The following PSD3 variants were observed in gnomAD, a reference collection of about 807,000 sequenced individuals.
The protein encoded by PSD3 is pleckstrin and Sec7 domain containing 3, also known as PH and SEC7 domain-containing protein 3.
Under a neutral mutation model 105.5 loss-of-function variants are expected in PSD3, and 49 were observed. The observed-to-expected ratio is 0.46, with a 90% CI of 0.37 to 0.59. The LOEUF is 0.59. Ranked by LOEUF, PSD3 falls within the 20% of genes least tolerant of loss-of-function variation. The pLI is 0.00. For missense variants in PSD3, 1,561 were observed against 1,263.8 expected (o/e 1.24, Z -3.57); for synonymous variants, 557 against 457.8 (o/e 1.22, Z -2.77).
At chr8:18,615,394 G>C (rs112069328) in intron 11 of PSD3, among the ~76,000 whole-genome samples, 4 of 152,254 alleles carry the variant, frequency 2.6e-5, no homozygotes, top group Admixed American at 6.5e-5. Context: ...CAAGGGCCAC[G>C]GGCATCAGGG....
rs1354415443 is a variant in PSD3 at position 19,029,320 on chromosome 8, GATTT to G, written c.324+54882_324+54885del. Among the ~76,000 whole-genome samples, 15 of 152,188 alleles carry G rather than the reference GATTT, an allele frequency of 9.9e-5. No individual in the cohort carries two copies. The East Asian group carries it at 2.7e-3, about 27-fold the overall frequency. ...ATATCCATTTATTTATATTTCCTTT[GATTT>G]ATTTAAGCAATGTTCTACAGTTTTC... On this transcript the variant is annotated intron_variant, in intron 1 of 1. Coordinates refer to the PSD3 transcript ENST00000521475.
At chr8:19,072,004 C>G (rs1487875235) in intron 1 of PSD3, among the ~76,000 whole-genome samples, 6 of 152,092 alleles carry the variant, frequency 3.9e-5, no homozygotes, top group Non-Finnish European at 8.8e-5. Flanking sequence ...GCCACCATGC[C>G]TGGTCTGCCT....
chr8:18,889,096 A>C (rs1818621072), intron 2 of PSD3, among the ~76,000 whole-genome samples: 1 of 152,018 alleles, frequency 6.6e-6, no homozygotes, highest in African/African-American at 2.4e-5. Flanking sequence ...GGCTTTAGTT[A>C]ACACTTACTT....
chr8:18,935,237 G>A (rs1822030785), intron 2 of PSD3, among the ~76,000 whole-genome samples: 1 of 152,094 alleles, frequency 6.6e-6, no homozygotes, highest in Non-Finnish European at 1.5e-5. Flanking sequence ...TCTAGTTCCA[G>A]AAGACTAAAT....
chr8:19,031,725 C>T (rs1334875250), intron 1 of PSD3, among the ~76,000 whole-genome samples: 3 of 152,102 alleles, frequency 2.0e-5, no homozygotes, highest in African/African-American at 4.8e-5. Flanking sequence ...AAATGGGTGA[C>T]ATTCTGATGA....
intron 1 of PSD3, among the ~76,000 whole-genome samples, chr8:18,962,662 C>T (rs1197740548): frequency 2.0e-5 from 3 of 152,132 alleles, no homozygotes; most frequent in African/African-American, 7.2e-5. Context: ...GTTTAAATAC[C>T]TCCTCCCACT....
chr8:18,559,798 T>C (rs568922604), intron 14 of PSD3, among the ~76,000 whole-genome samples: 1 of 152,288 alleles, frequency 6.6e-6, no homozygotes, highest in South Asian at 2.1e-4. Flanking sequence ...AGAATGACAA[T>C]ATGTGCAACA....
intron 9 of PSD3, among the ~76,000 whole-genome samples, chr8:18,731,365 G>C (rs190611202): frequency 6.6e-6 from 1 of 152,332 alleles, no homozygotes; most frequent in East Asian, 1.9e-4. Flanking sequence ...CAGAAGGATG[G>C]AAACAGCAAA....
At chr8:18,596,699 T>A (rs1215643259) in intron 12 of PSD3, among the ~76,000 whole-genome samples, 1 of 151,986 alleles carries the variant, frequency 6.6e-6, no homozygotes, top group Admixed American at 6.6e-5. Context: ...TATGAACAAT[T>A]ATACACCAAC....
chr8:18,786,092 T>C (rs1283394569), intron 8 of PSD3, among the ~76,000 whole-genome samples: 1 of 152,208 alleles, frequency 6.6e-6, no homozygotes. Context: ...TGGTCCCAGC[T>C]GCTCGGGAGG....
At chr8:18,980,665 C>T (rs189564215) in intron 1 of PSD3, among the ~76,000 whole-genome samples, 110 of 152,198 alleles carry the variant, frequency 7.2e-4, no homozygotes, top group African/African-American at 1.7e-4. Context: ...CCCTCTCTCC[C>T]TCCACACACG....
chr8:19,002,459 G>A (rs972546603), intron 1 of PSD3, among the ~76,000 whole-genome samples: 4 of 151,924 alleles, frequency 2.6e-5, no homozygotes, highest in Non-Finnish European at 5.9e-5. Flanking sequence ...CAACTTAGTA[G>A]TTCTAGTATC....
At chr8:18,568,362 G>C (rs1156737362) in intron 14 of PSD3, among the ~76,000 whole-genome samples, 1 of 152,094 alleles carries the variant, frequency 6.6e-6, no homozygotes, top group Non-Finnish European at 1.5e-5. Flanking sequence ...CTTATCAAGT[G>C]CCTTAGTCTG....
intron 2 of PSD3, among the ~76,000 whole-genome samples, chr8:18,887,886 T>C (rs182242579): frequency 1.3e-5 from 2 of 152,330 alleles, no homozygotes; most frequent in East Asian, 1.9e-4. Context: ...AGCAGTTTTA[T>C]TGTATTAATT....
chr8:19,064,131 ACT>A (rs1828993394), intron 1 of PSD3, among the ~76,000 whole-genome samples: 1 of 151,754 alleles, frequency 6.6e-6, no homozygotes, highest in African/African-American at 2.4e-5. Flanking sequence ...ACGAAGTGAG[ACT>A]CTGTCTCAAA....
At chr8:18,888,275 G>C (rs1481727927) in intron 2 of PSD3, among the ~76,000 whole-genome samples, 1 of 152,182 alleles carries the variant, frequency 6.6e-6, no homozygotes, top group Non-Finnish European at 1.5e-5. Context: ...CAGAAGCTCA[G>C]TGCCGACTAC....
intron 4 of PSD3, among the ~76,000 whole-genome samples, chr8:18,851,869 A>G (rs1586224071): frequency 6.6e-6 from 1 of 152,248 alleles, no homozygotes; most frequent in East Asian, 1.9e-4. Flanking sequence ...GGACCAATGG[A>G]ACTTTTACCG....
chr8:18,885,794 A>G (rs1186888561), intron 2 of PSD3, among the ~76,000 whole-genome samples: 1 of 152,236 alleles, frequency 6.6e-6, no homozygotes, highest in Non-Finnish European at 1.5e-5. Context: ...CCATGGTGAG[A>G]GAGAAATAAA....
intron 11 of PSD3, among the ~76,000 whole-genome samples, chr8:18,620,004 T>A (rs1052667169): frequency 6.6e-6 from 1 of 152,072 alleles, no homozygotes; most frequent in Non-Finnish European, 1.5e-5. Flanking sequence ...AAAAGAGACA[T>A]TTATAGTCTG....
Sources: allele counts gnomAD v4.1 joint callset (sites outside exome capture counted in the v4.1 genomes callset), GRCh38; gene constraint gnomAD v4.1.1; transcripts MANE v1.5; gene names NCBI Gene and HGNC (gene_info 2026-07-23, HGNC 2026-07-21).